Variants in GABRA2 observed in about 807,000 individuals in gnomAD.
GABRA2 encodes the protein gamma-aminobutyric acid receptor subunit alpha-2.
GABRA2 carries 16 observed loss-of-function variants against 48.7 expected under a neutral mutation model. The ratio of observed to expected loss-of-function variants is 0.33; its 90% CI spans 0.22 to 0.50. The LOEUF (loss-of-function observed/expected upper bound fraction) is 0.50. Among genes scored for constraint, GABRA2 ranks in the 20% least tolerant of loss-of-function variants. GABRA2 has a pLI of 0.98. For missense variants in GABRA2, 275 were observed against 535.6 expected (o/e 0.51, Z 4.80); for synonymous variants, 185 against 184.5 (o/e 1.00, Z -0.02).
chr4:46,379,391 TC>T (rs577910244), intron 3 of GABRA2, among the ~76,000 whole-genome samples: 6 of 152,162 alleles, frequency 3.9e-5, no homozygotes, highest in Non-Finnish European at 8.8e-5. Flanking sequence ...GTCTCATGCC[TC>T]CCACAAAGTA....
rs1325919661 is a variant in GABRA2, at chr4:46,243,581, G to T, written c.*6727C>A. ...AATCATTTTTAATAAATACAAAAAA[G>T]TTGTTTAGCATTAATTTGCATGTGA... On this transcript the variant is annotated 3_prime_UTR_variant, in exon 10 of 10. Coordinates refer to ENST00000381620, the MANE Select transcript of GABRA2 (RefSeq NM_000807.4). 2.0e-5 allele frequency: 3 copies of T among 151,442 alleles called. No individual in the cohort carries two copies. Among genetic ancestry groups the T allele is most frequent in the Admixed American group, 6.6e-5 (1 of 15,128 alleles). The allele number at this position is 151,442 out of a possible 1,614,324, so 9.4% of individuals were successfully genotyped here.
At chr4:46,318,144 A>C (rs2109732895) in intron 4 of GABRA2, among the ~76,000 whole-genome samples, 1 of 151,550 alleles carries the variant, frequency 6.6e-6, no homozygotes, top group African/African-American at 2.4e-5. Context: ...AAAATATTAA[A>C]AAATATTAAA....
intron 9 of GABRA2, among the ~76,000 whole-genome samples, chr4:46,257,935 A>AT (rs1188412833): frequency 6.6e-6 from 1 of 151,736 alleles, no homozygotes; most frequent in Non-Finnish European, 1.5e-5. Context: ...TCAATTAGTG[A>AT]TGAATAACTA....
chr4:46,344,767 A>G (rs1279025238), intron 3 of GABRA2, among the ~76,000 whole-genome samples: 1 of 151,948 alleles, frequency 6.6e-6, no homozygotes, highest in African/African-American at 2.4e-5. Context: ...GCGTATTTAA[A>G]CAAATGGAAA....
intron 8 of GABRA2, among the ~76,000 whole-genome samples, chr4:46,263,361 A>G (rs1459650728): frequency 6.6e-6 from 1 of 152,046 alleles, no homozygotes; most frequent in Non-Finnish European, 1.5e-5. Flanking sequence ...TTAGAGTTTT[A>G]TGTCTTACCA....
At chr4:46,373,823 A>G (rs1163192036) in intron 3 of GABRA2, among the ~76,000 whole-genome samples, 2 of 152,152 alleles carry the variant, frequency 1.3e-5, no homozygotes, top group African/African-American at 2.4e-5. Context: ...CAAGTCTACT[A>G]AGCACAATCA....
intron 3 of GABRA2, among the ~76,000 whole-genome samples, chr4:46,374,797 A>C (rs1715440332): frequency 6.6e-6 from 1 of 151,952 alleles, no homozygotes; most frequent in South Asian, 2.1e-4. Flanking sequence ...TAATGCCCTA[A>C]TTCATCATAT....
At chr4:46,315,214 T>G (rs1269257608) in intron 4 of GABRA2, among the ~76,000 whole-genome samples, 2 of 151,864 alleles carry the variant, frequency 1.3e-5, no homozygotes, top group African/African-American at 4.8e-5. Flanking sequence ...GTGGTTTTGA[T>G]TTCCATTTCT....
At chr4:46,327,784 C>A (rs1432218162) in intron 4 of GABRA2, among the ~76,000 whole-genome samples, 2 of 152,060 alleles carry the variant, frequency 1.3e-5, no homozygotes, top group African/African-American at 4.8e-5. Flanking sequence ...ATCAAGAAAC[C>A]AAGGTCATAC....
In GABRA2 at chr4:46,348,592, G is replaced by T. The variant is rs189622954; in HGVS notation, c.188-15910C>A. On this transcript the variant is annotated intron_variant, in intron 3 of 9. Coordinates refer to ENST00000381620, the MANE Select transcript of GABRA2 (RefSeq NM_000807.4). Reference sequence around the variant, plus strand: ...CATATACACCATGGAATACTATGCAGTCATAAAAAATGATGAGGTCATGTC... The same window carrying T: ...CATATACACCATGGAATACTATGCATTCATAAAAAATGATGAGGTCATGTC... Among the ~76,000 whole-genome samples the T allele has an allele frequency of 6.6e-4, 101 of 152,058 alleles. 1 individual carries two copies. Among genetic ancestry groups the T allele is most frequent in the African/African-American group, 2.4e-3 (99 of 41,488 alleles).
intron 8 of GABRA2, among the ~76,000 whole-genome samples, chr4:46,271,069 A>C (rs962286896): frequency 6.6e-6 from 1 of 152,018 alleles, no homozygotes; most frequent in Non-Finnish European, 1.5e-5. Flanking sequence ...TAAATCAGAA[A>C]GACAAAATAA....
intron 3 of GABRA2, among the ~76,000 whole-genome samples, chr4:46,378,497 A>C (rs1716291691): frequency 6.6e-6 from 1 of 151,796 alleles, no homozygotes; most frequent in Non-Finnish European, 1.5e-5. Flanking sequence ...CCCTAATCTC[A>C]AGTACCCAGG....
intron 8 of GABRA2, among the ~76,000 whole-genome samples, chr4:46,296,544 A>C (rs1724722883): frequency 6.6e-6 from 1 of 151,900 alleles, no homozygotes; most frequent in African/African-American, 2.4e-5. Flanking sequence ...GGTGTCTCTT[A>C]ATATTACCAT....
intron 3 of GABRA2, among the ~76,000 whole-genome samples, chr4:46,372,708 T>G (rs2110006334): frequency 1.3e-5 from 2 of 152,330 alleles, no homozygotes; most frequent in Middle Eastern, 3.4e-3. Flanking sequence ...ATTCCAATGC[T>G]AAAGAGCAAA....
chr4:46,266,667 T>C (rs1718300279), intron 8 of GABRA2, among the ~76,000 whole-genome samples: 1 of 151,178 alleles, frequency 6.6e-6, no homozygotes, highest in African/African-American at 2.4e-5. Flanking sequence ...TGCTGATAGA[T>C]GGTTTTCATC....
intron 2 of GABRA2, 96 bp downstream of exon 2, chr4:46,388,540 T>G: frequency 6.9e-7 from 1 of 1,442,318 alleles, no homozygotes; most frequent in South Asian, 1.2e-5. Flanking sequence ...GAGAAATAAT[T>G]CTTTAAAACA....
chr4:46,324,264 T>C (rs963642089), intron 4 of GABRA2, among the ~76,000 whole-genome samples: 8 of 152,006 alleles, frequency 5.3e-5, no homozygotes, highest in Admixed American at 2.0e-4. Flanking sequence ...CTTGTACTGG[T>C]ATTCTTAAAG....
intron 3 of GABRA2, among the ~76,000 whole-genome samples, chr4:46,374,051 A>G (rs914662407): frequency 1.3e-5 from 2 of 152,152 alleles, no homozygotes; most frequent in African/African-American, 4.8e-5. Context: ...AAAATTTTGA[A>G]GAGTTTCTCT....
intron 8 of GABRA2, among the ~76,000 whole-genome samples, chr4:46,283,736 G>A (rs113747868): frequency 0.012 from 1,892 of 152,216 alleles, 45 homozygotes; most frequent in African/African-American, 0.043. Context: ...AGATGTTATT[G>A]TTTGATTCGA....
Sources: allele counts gnomAD v4.1 joint callset (sites outside exome capture counted in the v4.1 genomes callset), GRCh38; gene constraint gnomAD v4.1.1; transcripts MANE v1.5; gene names NCBI Gene and HGNC (gene_info 2026-07-23, HGNC 2026-07-21).